Variants in KCNIP3 observed in about 807,000 individuals in gnomAD.
The protein encoded by KCNIP3 is calsenilin.
A neutral mutation model predicts 35.0 loss-of-function variants in KCNIP3; 28 were observed. The ratio of observed to expected loss-of-function variants is 0.80; its 90% CI spans 0.59 to 1.10. KCNIP3 has a LOEUF of 1.10. KCNIP3 is among the 50% of genes least tolerant of loss of function. The pLI is 0.00. For missense variants in KCNIP3, 295 were observed against 338.4 expected (o/e 0.87, Z 1.01); for synonymous variants, 134 against 133.8 (o/e 1.00, Z -0.01).
intron 2 of KCNIP3, among the ~76,000 whole-genome samples, chr2:95,322,287 G>A (rs1294355693): frequency 6.6e-5 from 10 of 152,132 alleles, no homozygotes; most frequent in Non-Finnish European, 1.2e-4. Context: ...GCTTGAACCC[G>A]GGAGGTCAAG....
At chr2:95,322,868 G>T (rs1321684397) in intron 2 of KCNIP3, among the ~76,000 whole-genome samples, 1 of 152,226 alleles carries the variant, frequency 6.6e-6, no homozygotes, top group African/African-American at 2.4e-5. Context: ...GTACTGCGAG[G>T]CCCTGTGCCC....
At chr2:95,315,435 G>GC (rs34031648) in intron 2 of KCNIP3, among the ~76,000 whole-genome samples, 1 of 152,116 alleles carries the variant, frequency 6.6e-6, no homozygotes, top group Non-Finnish European at 1.5e-5. Flanking sequence ...CGGCCCCAGC[G>GC]CCCCTTGGAG....
intron 2 of KCNIP3, among the ~76,000 whole-genome samples, chr2:95,317,140 C>T (rs1306298460): frequency 1.3e-5 from 2 of 152,170 alleles, no homozygotes; most frequent in Admixed American, 1.3e-4. Context: ...CCTATGCCCC[C>T]GTCCTACTCA....
chr2:95,375,708 G>C (rs948757085), intron 5 of KCNIP3, among the ~76,000 whole-genome samples: 1 of 152,170 alleles, frequency 6.6e-6, no homozygotes, highest in African/African-American at 2.4e-5. Flanking sequence ...ACCCACTGGC[G>C]GAAGGAGAAG....
chr2:95,303,813 C>A lies in KCNIP3; in HGVS notation c.15+6360C>A, dbSNP rs1678104484. ...AGGTCTGAGAACCATCCGGATCAGTCCTGTCCAATAGAGACATGATGCAAG... is the reference window on the plus strand; with the variant it reads ...AGGTCTGAGAACCATCCGGATCAGTACTGTCCAATAGAGACATGATGCAAG... On this transcript the variant is annotated intron_variant, in intron 1 of 8. Transcript: ENST00000295225. Among the ~76,000 whole-genome samples the A allele has an allele frequency of 2.0e-5, 3 of 152,330 alleles. No homozygotes were observed. The South Asian group carries it at 6.2e-4, about 32-fold the overall frequency.
In KCNIP3 at chr2:95,375,152, G is replaced by A; in HGVS notation, c.391G>A (p.Ala131Thr). 1 of 1,614,168 alleles carries A rather than the reference G, an allele frequency of 6.2e-7. No homozygotes were observed. The highest frequency in any genetic ancestry group is 8.5e-7 in the Non-Finnish European group (1 of 1,180,000). The change falls in exon 5 of 9, where the codon GCA becomes ACA. Residue 131 changes from alanine to threonine, a missense_variant. Coordinates refer to ENST00000295225, the MANE Select transcript of KCNIP3 (RefSeq NM_013434.5). ...FFPQGDATTYAHFLFNAFDAD... is the reference protein window; with the variant it reads ...FFPQGDATTYTHFLFNAFDAD... ...GCCCTCCCCAGATGCCACCACCTAT[G>A]CACACTTCCTCTTCAACGCCTTTGA...
Position 95,308,743 on chromosome 2 carries a change from C to T in KCNIP3, c.16-1612C>T, listed in dbSNP as rs551953374. ...CTGGCTCTCTGTGCTTCCCTGCAGGCTGTGACTGGCCCGGGCTCCCTGCTG... is the reference window on the plus strand; with the variant it reads ...CTGGCTCTCTGTGCTTCCCTGCAGGTTGTGACTGGCCCGGGCTCCCTGCTG... On this transcript the variant is annotated intron_variant, in intron 1 of 8. Coordinates refer to ENST00000295225, the MANE Select transcript of KCNIP3 (RefSeq NM_013434.5). 3.9e-5 allele frequency among the ~76,000 whole-genome samples: 6 copies of T among 152,336 alleles called. No homozygotes were observed. The East Asian group carries it at 1.2e-3, about 29-fold the overall frequency.
rs1429873983 is a variant in KCNIP3 at position 95,376,318 on chromosome 2, G to A, written c.447+1110G>A. Among the ~76,000 whole-genome samples, 5 of 152,220 alleles carry A rather than the reference G, an allele frequency of 3.3e-5. No individual in the cohort carries two copies. Among genetic ancestry groups the A allele is most frequent in the African/African-American group, 1.2e-4 (5 of 41,454 alleles). On this transcript the variant is annotated intron_variant, in intron 5 of 8. Coordinates refer to ENST00000295225, the MANE Select transcript of KCNIP3 (RefSeq NM_013434.5). This position sits in a 1 kb window ranked among gnomAD's most constrained non-coding sequence, Gnocchi z 4.2. ...AAAGCATCTTTAGGAAACGGTGTAA[G>A]GGAGCAGGCGGGGTGCGAGTGGTTT... is the stretch of plus-strand genomic sequence containing the variant.
At chr2:95,342,106 C>G (rs1679207853) in intron 2 of KCNIP3, among the ~76,000 whole-genome samples, 1 of 152,040 alleles carries the variant, frequency 6.6e-6, no homozygotes, top group African/African-American at 2.4e-5. Flanking sequence ...TGCGAAGACC[C>G]TGAGATGAGA....
At position 95,384,202 on chromosome 2, in the gene KCNIP3, A is replaced by ACACACACACC; in HGVS notation, c.*157_*158insCACACCCACA. The ACACACACACC allele has an allele frequency of 1.5e-6, 1 of 661,610 alleles. No individual in the cohort carries two copies. The highest frequency in any genetic ancestry group is 2.7e-6 in the Non-Finnish European group (1 of 368,906). The allele number at this position is 661,610 out of a possible 1,614,324, so 41.0% of individuals were successfully genotyped here. A position where few individuals can be genotyped will look rare whatever the true frequency, so the allele number is the denominator to read the frequency against. On this transcript the variant is annotated 3_prime_UTR_variant, in exon 9 of 9. Coordinates refer to ENST00000295225, the MANE Select transcript of KCNIP3 (RefSeq NM_013434.5). ...CACACACACACACACACACACACAC[A>ACACACACACC]CACAGCCATTCATCTGGGCTGGCAG...
At chr2:95,313,296 G>C (rs1348225849) in intron 2 of KCNIP3, 1 of 152,280 alleles carries the variant, frequency 6.6e-6, no homozygotes, top group Admixed American at 6.5e-5. Context: ...ACAGGACCCA[G>C]GGTCCTGGAG....
rs557995581 is a variant in KCNIP3, at chr2:95,324,740, G to A, written c.181+14220G>A. On this transcript the variant is annotated intron_variant, in intron 2 of 8. Coordinates refer to ENST00000295225, the MANE Select transcript of KCNIP3 (RefSeq NM_013434.5). ...AGCCTGGCCAATATGGTGAAACCCC[G>A]TCTCTACTAAAAACACAAAAGTTAG... Among the ~76,000 whole-genome samples, 17 of 151,644 alleles carry A rather than the reference G, an allele frequency of 1.1e-4. No homozygotes were observed. The South Asian group carries it at 1.3e-3, about 11-fold the overall frequency.
Position 95,384,073 on chromosome 2 carries a change from C to T in KCNIP3, c.*24C>T, listed in dbSNP as rs904877276. ...AGGACACGTCCAAAGGAGTGCATGG[C>T]CACAGCCACCTCCACCCCCAAGAAA... On this transcript the variant is annotated 3_prime_UTR_variant, in exon 9 of 9. Transcript: ENST00000295225. The T allele has an allele frequency of 6.2e-7, 1 of 1,609,066 alleles. No individual in the cohort carries two copies. The highest frequency in any genetic ancestry group is 1.3e-5 in the African/African-American group (1 of 74,758).
chr2:95,329,954 G>C (rs920892657), intron 2 of KCNIP3, among the ~76,000 whole-genome samples: 16 of 152,160 alleles, frequency 1.1e-4, no homozygotes, highest in African/African-American at 3.9e-4. Context: ...TCCCCCTCTC[G>C]TCCCCTCTGC....
intron 2 of KCNIP3, among the ~76,000 whole-genome samples, chr2:95,349,833 T>C (rs1156461691): frequency 1.3e-5 from 2 of 152,180 alleles, no homozygotes; most frequent in South Asian, 2.1e-4. Flanking sequence ...CTTCGGCAAG[T>C]GTGCGAGAGC....
intron 7 of KCNIP3, 104 bp from the exon 8 acceptor site, chr2:95,383,124 TCCAC>T (rs1558781320): frequency 3.5e-6 from 1 of 288,646 alleles, no homozygotes; most frequent in African/African-American, 4.1e-5. Context: ...CACCCGCCCA[TCCAC>T]CCACCCGCCC....
chr2:95,307,383 T>C (rs7594144), intron 1 of KCNIP3, among the ~76,000 whole-genome samples: 117,210 of 152,258 alleles, frequency 0.77, 45,636 homozygotes, highest in African/African-American at 0.87. Flanking sequence ...CAGCAAAGCC[T>C]GTGGTCAAGC....
chr2:95,333,500 C>G (rs1678983286), intron 2 of KCNIP3, among the ~76,000 whole-genome samples: 1 of 152,214 alleles, frequency 6.6e-6, no homozygotes, highest in African/African-American at 2.4e-5. Flanking sequence ...CCTCGGTCAA[C>G]CTAGCCTCGA....
At chr2:95,370,408 C>T (rs1279974314) in intron 2 of KCNIP3, among the ~76,000 whole-genome samples, 1 of 152,192 alleles carries the variant, frequency 6.6e-6, no homozygotes, top group Non-Finnish European at 1.5e-5. Flanking sequence ...TAAAGCATAG[C>T]TTTTCTGGGG....
Sources: gnomAD v4.1 joint callset for allele counts (sites outside exome capture counted in the v4.1 genomes callset) on GRCh38, gnomAD v4.1.1 for gene constraint, Gnocchi (gnomAD v3.1) non-coding constraint, MANE v1.5 for transcripts, NCBI Gene and HGNC (gene_info 2026-07-23, HGNC 2026-07-21) for gene names.